The following CSMD1 variants were observed in gnomAD, a reference collection of about 807,000 sequenced individuals.
CSMD1 encodes CUB and Sushi multiple domains 1.
A neutral mutation model predicts 417.5 loss-of-function variants in CSMD1; 213 were observed. The ratio of observed to expected loss-of-function variants is 0.51; its 90% CI spans 0.46 to 0.57. The LOEUF (loss-of-function observed/expected upper bound fraction) is 0.57, where lower values mean the gene tolerates loss of function less well. Among genes scored for constraint, CSMD1 ranks in the 20% least tolerant of loss-of-function variants. The pLI is 0.00. For synonymous variants in CSMD1, 2,862 were observed against 1,736.8 expected (o/e 1.65, Z -16.11); for missense variants, 6,923 against 4,529.7 (o/e 1.53, Z -15.17).
At chr8:3,667,370 T>G (rs1296889445) in intron 7 of CSMD1, among the ~76,000 whole-genome samples, 1 of 152,102 alleles carries the variant, frequency 6.6e-6, no homozygotes, top group Non-Finnish European at 1.5e-5. Flanking sequence ...AGATGACATT[T>G]GAGAAAGGTC....
chr8:3,745,163 G>A (rs1027327142), intron 6 of CSMD1, among the ~76,000 whole-genome samples: 3 of 152,300 alleles, frequency 2.0e-5, no homozygotes, highest in South Asian at 2.1e-4. Context: ...AAATATCTAT[G>A]AAAAACCATT....
intron 2 of CSMD1, among the ~76,000 whole-genome samples, chr8:4,560,350 C>T (rs1443681585): frequency 6.6e-6 from 1 of 152,208 alleles, no homozygotes; most frequent in Non-Finnish European, 1.5e-5. Flanking sequence ...CATGTGTTGC[C>T]TGAGTCATTA....
intron 1 of CSMD1, among the ~76,000 whole-genome samples, chr8:4,662,841 G>C (rs922446571): frequency 2.6e-5 from 4 of 152,168 alleles, no homozygotes; most frequent in Non-Finnish European, 4.4e-5. Flanking sequence ...ATTGTGGCAG[G>C]ACACTTGTCA....
In CSMD1 at chr8:4,909,033, T is replaced by C. The variant is rs75041787; in HGVS notation, c.85+85299A>G. ...CTGACATGTATTGGTTAATAAAAAA[T>C]GTGATAAGCAGGACTTTAGCATGAA... On this transcript the variant is annotated intron_variant, in intron 1 of 69. Coordinates refer to ENST00000635120, the MANE Select transcript of CSMD1 (RefSeq NM_033225.6). 2.1e-3 allele frequency among the ~76,000 whole-genome samples: 315 copies of C among 152,262 alleles called. 9 individuals are homozygous for C. The East Asian group carries it at 0.028, about 13-fold the overall frequency.
At chr8:3,587,155 G>C (rs1800640426) in intron 8 of CSMD1, among the ~76,000 whole-genome samples, 1 of 152,130 alleles carries the variant, frequency 6.6e-6, no homozygotes. Flanking sequence ...AACTGCCCTG[G>C]CTCCAGAGCT....
chr8:4,344,516 T>A (rs1360160191), intron 3 of CSMD1, among the ~76,000 whole-genome samples: 2 of 151,346 alleles, frequency 1.3e-5, no homozygotes, highest in Non-Finnish European at 2.9e-5. Flanking sequence ...TAAAAATGAT[T>A]GTCAGAAATA....
At chr8:3,163,512 T>C (rs1342204300) in intron 37 of CSMD1, among the ~76,000 whole-genome samples, 1 of 151,490 alleles carries the variant, frequency 6.6e-6, no homozygotes, top group Non-Finnish European at 1.5e-5. Flanking sequence ...GCACTGCCCA[T>C]GGGCCGGTCC....
intron 9 of CSMD1, among the ~76,000 whole-genome samples, chr8:3,582,025 C>A (rs1317035676): frequency 1.3e-5 from 2 of 152,168 alleles, no homozygotes; most frequent in Non-Finnish European, 2.9e-5. Context: ...GAACTCCTGA[C>A]CTCAGGTGAT....
chr8:4,368,546 G>T (rs941699645), intron 3 of CSMD1, among the ~76,000 whole-genome samples: 9 of 152,132 alleles, frequency 5.9e-5, no homozygotes, highest in African/African-American at 1.9e-4. Flanking sequence ...TAGTAAGATA[G>T]GTACTAGCTC....
chr8:3,312,607 A>G (rs57539379), intron 23 of CSMD1, among the ~76,000 whole-genome samples: 2,864 of 152,242 alleles, frequency 0.019, 85 homozygotes, highest in African/African-American at 0.065. Context: ...GGCCTTTACA[A>G]TGGGAAGTAG....
Position 3,407,969 on chromosome 8 carries a change from C to A in CSMD1, c.2001G>T (p.Gly667=). 6.2e-7 allele frequency: 1 copy of A among 1,613,662 alleles called. No individual in the cohort carries two copies. Among genetic ancestry groups the A allele is most frequent in the Non-Finnish European group, 8.5e-7 (1 of 1,179,768 alleles). Residue 667 remains glycine, a synonymous_variant, in exon 14 of 70, where the codon GGG becomes GGT. Coordinates refer to ENST00000635120, the MANE Select transcript of CSMD1 (RefSeq NM_033225.6). The part of the protein sequence containing the change: ...NEVPSQLASS[G]HIVRLEFQSD... ...ACTGAAATTCCAAGCGAACTATATG[C>A]CCACTGCTGGCCAGCTGGGAAGGCA... is the stretch of plus-strand genomic sequence containing the variant.
intron 3 of CSMD1, among the ~76,000 whole-genome samples, chr8:4,408,209 C>G (rs779656845): frequency 6.6e-6 from 1 of 152,172 alleles, no homozygotes; most frequent in Non-Finnish European, 1.5e-5. Context: ...GTTGACAGGC[C>G]CCAGGCCATT....
At chr8:3,915,164 G>C (rs140621442) in intron 5 of CSMD1, among the ~76,000 whole-genome samples, 6,091 of 152,156 alleles carry the variant, frequency 0.04, 164 homozygotes, top group Middle Eastern at 0.12. Flanking sequence ...CCAGCCCTTT[G>C]GGAGGCTGAG....
At chr8:4,361,868 T>C (rs1010673501) in intron 3 of CSMD1, among the ~76,000 whole-genome samples, 1 of 152,058 alleles carries the variant, frequency 6.6e-6, no homozygotes, top group Admixed American at 6.6e-5. Context: ...GGCAGAAGAA[T>C]TGCTTGAACC....
At chr8:4,401,451 AT>A (rs1804637442) in intron 3 of CSMD1, among the ~76,000 whole-genome samples, 1 of 152,060 alleles carries the variant, frequency 6.6e-6, no homozygotes, top group Non-Finnish European at 1.5e-5. Context: ...AACATAGGTA[AT>A]TTCAAGCTTC....
At chr8:3,004,339 G>C (rs930369005) in intron 52 of CSMD1, among the ~76,000 whole-genome samples, 4 of 152,234 alleles carry the variant, frequency 2.6e-5, no homozygotes, top group Middle Eastern at 3.4e-3. Flanking sequence ...GTCACAGCTC[G>C]GACATCATGA....
intron 5 of CSMD1, among the ~76,000 whole-genome samples, chr8:3,899,767 G>A (rs1385980705): frequency 6.6e-6 from 1 of 152,160 alleles, no homozygotes; most frequent in Non-Finnish European, 1.5e-5. Flanking sequence ...CCAGCTTTCA[G>A]GGCACAGTTT....
At chr8:3,718,831 C>G (rs557748221) in intron 6 of CSMD1, among the ~76,000 whole-genome samples, 1 of 152,118 alleles carries the variant, frequency 6.6e-6, no homozygotes, top group Admixed American at 6.5e-5. Flanking sequence ...CAGACATAAG[C>G]AGGATTTAAC....
At chr8:3,342,512 C>A (rs917883323) in intron 23 of CSMD1, among the ~76,000 whole-genome samples, 4 of 152,166 alleles carry the variant, frequency 2.6e-5, no homozygotes, top group Admixed American at 2.6e-4. Context: ...AATTACTTAT[C>A]CACACCAAAT....
Sources: allele counts gnomAD v4.1 joint callset (sites outside exome capture counted in the v4.1 genomes callset), GRCh38; gene constraint gnomAD v4.1.1; transcripts MANE v1.5; gene names NCBI Gene and HGNC (gene_info 2026-07-23, HGNC 2026-07-21).